VKORC1L1: variants seen among roughly 807,000 people sequenced by gnomAD.
The protein encoded by VKORC1L1 is vitamin K epoxide reductase complex subunit 1L1.
In VKORC1L1, 2 loss-of-function variants were observed where a neutral mutation model predicts 18.9. That is an observed-to-expected ratio of 0.11 (90% CI 0.04 to 0.33). The LOEUF (loss-of-function observed/expected upper bound fraction) is 0.33. VKORC1L1 is among the 10% of genes least tolerant of loss of function. VKORC1L1 has a pLI of 1.00. For synonymous variants in VKORC1L1, 96 were observed against 100.0 expected, an observed-to-expected ratio of 0.96 and a Z score of 0.24; for missense variants, 123 against 224.1, an observed-to-expected ratio of 0.55 and a Z score of 2.88.
chr7:65,876,030 C>G (rs1788821690), intron 1 of VKORC1L1, among the ~76,000 whole-genome samples: 1 of 152,094 alleles, frequency 6.6e-6, no homozygotes, highest in African/African-American at 2.4e-5. Context: ...GTAAAGTCCT[C>G]TATTATTTTG....
intron 1 of VKORC1L1, among the ~76,000 whole-genome samples, chr7:65,879,075 A>G (rs1484603997): frequency 1.3e-5 from 2 of 152,238 alleles, no homozygotes; most frequent in East Asian, 3.9e-4. Context: ...TGACACATAG[A>G]CAAACATCCA....
intron 1 of VKORC1L1, among the ~76,000 whole-genome samples, chr7:65,925,201 ACTC>A (rs1415005703): frequency 1.3e-5 from 2 of 151,964 alleles, no homozygotes; most frequent in Non-Finnish European, 2.9e-5. Flanking sequence ...ACATGTCAAA[ACTC>A]AACTCAGTCA....
intron 1 of VKORC1L1, among the ~76,000 whole-genome samples, chr7:65,938,765 T>C (rs1423302968): frequency 2.6e-5 from 4 of 152,158 alleles, no homozygotes; most frequent in Admixed American, 6.5e-5. Context: ...CAGAGTCTCC[T>C]AAAGAGCCCG....
intron 1 of VKORC1L1, among the ~76,000 whole-genome samples, chr7:65,930,023 TTGTC>T (rs939089226): frequency 6.6e-5 from 10 of 152,190 alleles, no homozygotes; most frequent in South Asian, 4.1e-4. Flanking sequence ...GCCTATGTAT[TTGTC>T]TGTGTGTGCT....
intron 2 of VKORC1L1, among the ~76,000 whole-genome samples, chr7:65,950,492 G>A (rs192170031): frequency 6.6e-6 from 1 of 152,176 alleles, no homozygotes; most frequent in Non-Finnish European, 1.5e-5. Context: ...AAATTGATTT[G>A]TTATGAGGCA....
At chr7:65,952,299 T>A (rs981445882) in intron 2 of VKORC1L1, among the ~76,000 whole-genome samples, 3 of 152,226 alleles carry the variant, frequency 2.0e-5, no homozygotes, top group Admixed American at 6.5e-5. Context: ...GCCACTCAAC[T>A]CTTCTAGTAT....
intron 1 of VKORC1L1, among the ~76,000 whole-genome samples, chr7:65,930,826 C>T (rs184128535): frequency 5.8e-4 from 89 of 152,174 alleles, no homozygotes; most frequent in Non-Finnish European, 7.4e-4. Flanking sequence ...GAAAGAATTT[C>T]GTCTTTCCCC....
At chr7:65,943,752 G>C (rs1790073587) in intron 1 of VKORC1L1, among the ~76,000 whole-genome samples, 1 of 151,980 alleles carries the variant, frequency 6.6e-6, no homozygotes, top group Non-Finnish European at 1.5e-5. Flanking sequence ...TCGAGATTGT[G>C]CCATTGCACT....
chr7:65,922,950 T>TG (rs1402935196), intron 1 of VKORC1L1, among the ~76,000 whole-genome samples: 1 of 152,166 alleles, frequency 6.6e-6, no homozygotes, highest in Admixed American at 6.6e-5. Context: ...TCTTCAGTTT[T>TG]GGAAAAATTT....
intron 1 of VKORC1L1, among the ~76,000 whole-genome samples, chr7:65,923,246 A>G (rs1029603666): frequency 2.0e-5 from 3 of 152,094 alleles, no homozygotes; most frequent in Admixed American, 6.6e-5. Flanking sequence ...TCAACAAATC[A>G]CAAAAATTAG....
rs975360722 is a variant in VKORC1L1, at chr7:65,958,433, A to G, written c.*4133A>G. 6.6e-6 allele frequency: 1 copy of G among 152,200 alleles called. No homozygotes were observed. The highest frequency in any genetic ancestry group is 2.4e-5 in the African/African-American group (1 of 41,452). 9.4% of individuals were successfully genotyped at this position (152,200 alleles called of 1,614,324 possible). ...TAGATAGAAATACTCTTTATCAGAG[A>G]TTTAAGGCACTGTTTTGCTAACTGG... On this transcript the variant is annotated 3_prime_UTR_variant, in exon 3 of 3. Transcript: ENST00000360768.
At chr7:65,888,985 A>C in intron 1 of VKORC1L1, among the ~76,000 whole-genome samples, 1 of 151,578 alleles carries the variant, frequency 6.6e-6, no homozygotes, top group East Asian at 1.9e-4. Flanking sequence ...CAACCCCCCA[A>C]CTACACATCA....
intron 1 of VKORC1L1, among the ~76,000 whole-genome samples, chr7:65,888,647 G>C (rs987085710): frequency 2.6e-5 from 4 of 151,970 alleles, no homozygotes; most frequent in African/African-American, 9.7e-5. Flanking sequence ...GGGGGTGCAG[G>C]GGGGAGTTGA....
chr7:65,883,700 A>G (rs1033622366), intron 1 of VKORC1L1, among the ~76,000 whole-genome samples: 1 of 151,388 alleles, frequency 6.6e-6, no homozygotes, highest in Non-Finnish European at 1.5e-5. Flanking sequence ...GGGTTTCACC[A>G]TGTTGGCCAG....
intron 1 of VKORC1L1, among the ~76,000 whole-genome samples, chr7:65,897,941 A>G (rs1213574416): frequency 1.3e-5 from 2 of 152,150 alleles, no homozygotes; most frequent in Non-Finnish European, 2.9e-5. Flanking sequence ...ACACTCTTGT[A>G]TATGTGGGGC....
chr7:65,938,082 C>A (rs746718205), intron 1 of VKORC1L1, among the ~76,000 whole-genome samples: 12 of 151,972 alleles, frequency 7.9e-5, no homozygotes, highest in Non-Finnish European at 1.6e-4. Context: ...GTGGTGGGTG[C>A]TGGTAATCCC....
intron 1 of VKORC1L1, among the ~76,000 whole-genome samples, chr7:65,946,551 T>C (rs534524122): frequency 6.6e-6 from 1 of 152,212 alleles, no homozygotes; most frequent in African/African-American, 2.4e-5. Context: ...CCCAGAGTGA[T>C]TGTGCTTTAA....
rs764201861 is a variant in VKORC1L1, at chr7:65,948,754, T to C, written c.278T>C (p.Ile93Thr). 1.6e-5 allele frequency: 18 copies of C among 1,160,158 alleles called. No individual in the cohort carries two copies. The highest frequency in any genetic ancestry group is 5.2e-5 in the East Asian group (2 of 38,576). 71.9% of individuals were successfully genotyped at this position (1,160,158 alleles called of 1,614,324 possible). The change falls in exon 2 of 3, where the codon ATA becomes ACA. Residue 93 changes from isoleucine (I) to threonine (T), a missense_variant. Ile to Thr is a moderately conservative substitution (Grantham distance 89). Coordinates refer to ENST00000360768, the MANE Select transcript of VKORC1L1 (RefSeq NM_173517.6). ...LNQPNSVFGLIFYILQLLLGM... is the reference protein window; with the variant it reads ...LNQPNSVFGLTFYILQLLLGM... ...CAGCCAAACAGTGTCTTTGGACTTA[T>C]ATTTTATATACTACAGTTATTACTT...
rs1349592194 is a variant in VKORC1L1, at chr7:65,957,794, T to C, written c.*3494T>C. The C allele has an allele frequency of 6.6e-6, 1 of 152,226 alleles. No individual in the cohort carries two copies. The highest frequency in any genetic ancestry group is 1.5e-5 in the Non-Finnish European group (1 of 68,038). 9.4% of individuals were successfully genotyped at this position (152,226 alleles called of 1,614,324 possible). A position where few individuals can be genotyped will look rare whatever the true frequency, so the allele number is the denominator to read the frequency against. On this transcript the variant is annotated 3_prime_UTR_variant, in exon 3 of 3. Coordinates refer to ENST00000360768, the MANE Select transcript of VKORC1L1 (RefSeq NM_173517.6). The stretch of plus-strand genomic sequence containing the variant: ...TTGCAGTGAGCCACAGTTGCGCCAT[T>C]GCACTCCAGCCTGGGCAATGAGTGA...
Sources: allele counts gnomAD v4.1 joint callset (sites outside exome capture counted in the v4.1 genomes callset), GRCh38; gene constraint gnomAD v4.1.1; transcripts MANE v1.5; gene names NCBI Gene and HGNC (gene_info 2026-07-23, HGNC 2026-07-21).